The following CCDC175 variants were observed in gnomAD, a reference collection of about 807,000 sequenced individuals.
CCDC175 encodes coiled-coil domain-containing protein 175.
Under a neutral mutation model 114.6 loss-of-function variants are expected in CCDC175, and 100 were observed. That is an observed-to-expected ratio of 0.87 (90% confidence interval 0.74 to 1.03). The LOEUF is 1.03. Among genes scored for constraint, CCDC175 ranks in the 50% least tolerant of loss-of-function variants. CCDC175 has a pLI of 0.00. For synonymous variants in CCDC175, 306 were observed against 308.7 expected (o/e 0.99, Z 0.09); for missense variants, 880 against 917.8 (o/e 0.96, Z 0.53).
At chr14:59,522,412 T>C (rs1381013660) in intron 16 of CCDC175, among the ~76,000 whole-genome samples, 4 of 152,236 alleles carry the variant, frequency 2.6e-5, no homozygotes, top group Non-Finnish European at 5.9e-5. Flanking sequence ...TCTTTGATGT[T>C]GTGTCAGCCT....
rs1181842210 is a variant in CCDC175 at position 59,511,787 on chromosome 14, C to T, written c.2115G>A (p.Leu705=). 5 of 1,535,614 alleles carry T rather than the reference C, an allele frequency of 3.3e-6. No individual in the cohort carries two copies. Among genetic ancestry groups the T allele is most frequent in the Non-Finnish European group, 3.5e-6 (4 of 1,145,526 alleles). ...TAACTGTGGTCTGAAATTCAGCCCACAAATCCTTATATTGTGCTAAAATAA... is the reference window on the plus strand; with the variant it reads ...TAACTGTGGTCTGAAATTCAGCCCATAAATCCTTATATTGTGCTAAAATAA... ...LIAQEAQYKD[L]WAEFQTTVKI... Residue 705 remains leucine, a synonymous_variant, in exon 18 of 20, where the codon TTG becomes TTA. Coordinates refer to ENST00000537690, the MANE Select transcript of CCDC175 (RefSeq NM_001164399.2).
rs1308624999 is a variant in CCDC175 at position 59,576,681 on chromosome 14, G to T, written c.95C>A (p.Thr32Asn). Residue 32 changes from threonine to asparagine, a missense_variant, in exon 1 of 20, where the codon ACC becomes AAC. Thr to Asn is a moderately conservative substitution (Grantham distance 65). Transcript: ENST00000537690. ...VSTGPSLELC[T>N]LPSTLGSSVA... ...CGAGGAGCCCAGGGTGGAGGGTAAGGTGCATAACTCCAGGGAGGGGCCAGT... is the reference window on the plus strand; with the variant it reads ...CGAGGAGCCCAGGGTGGAGGGTAAGTTGCATAACTCCAGGGAGGGGCCAGT... 4.0e-6 allele frequency: 6 copies of T among 1,488,804 alleles called. No homozygotes were observed. The African/African-American group carries it at 8.7e-5, about 21-fold the overall frequency. The allele number at this position is 1,488,804 out of a possible 1,614,324, so 92.2% of individuals were successfully genotyped here. A position where few individuals can be genotyped will look rare whatever the true frequency, so the allele number is the denominator to read the frequency against.
chr14:59,561,252 T>A (rs1896212766), intron 6 of CCDC175, 24 bp from the exon 7 acceptor site: 1 of 1,287,514 alleles, frequency 7.8e-7, no homozygotes, highest in African/African-American at 1.5e-5. Context: ...AACAAAAATA[T>A]GGCATCCAAT....
intron 3 of CCDC175, among the ~76,000 whole-genome samples, chr14:59,570,446 T>A (rs1896783075): frequency 2.6e-5 from 4 of 152,094 alleles, no homozygotes; most frequent in Admixed American, 6.6e-5. Context: ...TTTTTTTTTT[T>A]ACTTATTAAG....
intron 4 of CCDC175, 91 bp downstream of exon 4, chr14:59,568,154 G>A: frequency 7.7e-7 from 1 of 1,295,074 alleles, no homozygotes; most frequent in Non-Finnish European, 1.0e-6. Context: ...CCCTGCCACA[G>A]TTCAGATCAG....
intron 15 of CCDC175, 66 bp downstream of exon 15, chr14:59,527,029 C>T (rs778445381): frequency 1.2e-6 from 1 of 825,368 alleles, no homozygotes. Flanking sequence ...CAGGTAAATA[C>T]TACCATCTGT....
chr14:59,564,639 G>A, intron 5 of CCDC175: 1 of 169,800 alleles, frequency 5.9e-6, no homozygotes, highest in Non-Finnish European at 1.3e-5. Context: ...GCATGCTGCT[G>A]CTCTCTCTGA....
At position 59,527,136 on chromosome 14, in the gene CCDC175, A is replaced by G. The variant is rs1445230083; in HGVS notation, c.1801T>C (p.Phe601Leu). The G allele has an allele frequency of 2.7e-6, 4 of 1,500,480 alleles. No homozygotes were observed. In the African/African-American group the frequency reaches 5.6e-5, roughly 21 times the overall value. 92.9% of individuals were successfully genotyped at this position (1,500,480 alleles called of 1,614,324 possible). The change falls in exon 15 of 20, where the codon TTT (phenylalanine) becomes CTT (leucine). Residue 601 changes from phenylalanine to leucine, a missense_variant. Physicochemically the swap from Phe to Leu is conservative, Grantham distance 22 (BLOSUM62 0). Transcript: ENST00000537690. ...CTTGAAAAGTCCCTTGTAAACAGAAAAATGTGATTGTTCAGTAAATCTTCC... is the reference window on the plus strand; with the variant it reads ...CTTGAAAAGTCCCTTGTAAACAGAAGAATGTGATTGTTCAGTAAATCTTCC... ...QEEDLLNNHI[F>L]LFTRDFSRYI...
In CCDC175 at chr14:59,572,775, A is replaced by G. The variant is rs1344864081; in HGVS notation, c.282T>C (p.Ile94=). Residue 94 remains isoleucine, a synonymous_variant, in exon 3 of 20, where the codon ATT becomes ATC. Transcript: ENST00000537690. ...MRKATIDLLE[I]ESMELNKLYY... ...ATAGTTTGTTGAGTTCCATGCTTTC[A>G]ATCTCCAAAAGATCGATTGTGGCTT... 1.3e-6 allele frequency: 2 copies of G among 1,518,156 alleles called. No homozygotes were observed. Among genetic ancestry groups the G allele is most frequent in the Non-Finnish European group, 1.8e-6 (2 of 1,142,290 alleles). 94.0% of individuals were successfully genotyped at this position (1,518,156 alleles called of 1,614,324 possible).
rs370269871 is a variant in CCDC175, at chr14:59,549,719, C to CAAAA, written c.1035+1632_1035+1635dup. ...TGGGTGATAGAGTGAGACTATGTCT[C>CAAAA]AAAAAAAAAAAGAAAAAGAAAAAGA... On this transcript the variant is annotated intron_variant, in intron 8 of 19. Coordinates refer to ENST00000537690, the MANE Select transcript of CCDC175 (RefSeq NM_001164399.2). 8.4e-4 allele frequency among the ~76,000 whole-genome samples: 75 copies of CAAAA among 89,592 alleles called. 1 individual carries two copies. The highest frequency in any genetic ancestry group is 3.0e-3 in the Admixed American group (23 of 7,756). The allele number at this position is 89,592 out of a possible 152,430, so 58.8% of individuals were successfully genotyped here.
At position 59,538,082 on chromosome 14, in the gene CCDC175, CTTCTT is replaced by C. The variant is rs767101611; in HGVS notation, c.1559_1563del (p.Lys520ArgfsTer7). 14 of 1,532,346 alleles carry C rather than the reference CTTCTT, an allele frequency of 9.1e-6. No homozygotes were observed. The highest frequency in any genetic ancestry group is 2.7e-5 in the African/African-American group (2 of 72,926). The allele number at this position is 1,532,346 out of a possible 1,614,324, so 94.9% of individuals were successfully genotyped here. A position where few individuals can be genotyped will look rare whatever the true frequency, so the allele number is the denominator to read the frequency against. Reference sequence around the variant, plus strand: ...TCTTTGTTAACAAATGCTTTCTCCTCTTCTTTTAATTCTGTTGTAAGTTTTTCAAT... The same window carrying C: ...TCTTTGTTAACAAATGCTTTCTCCTCTTAATTCTGTTGTAAGTTTTTCAAT... On this transcript the variant is annotated frameshift_variant, in exon 13 of 20. Coordinates refer to ENST00000537690, the MANE Select transcript of CCDC175 (RefSeq NM_001164399.2). LOFTEE classifies it high-confidence loss of function.
At position 59,511,628 on chromosome 14, in the gene CCDC175, T is replaced by C. The variant is rs988415023; in HGVS notation, c.2142+132A>G. ...TAGGACTGCAGGGGAGTGAGAGAGCTAGTGTGAATTTCCACCCTGATGCGT... is the reference window on the plus strand; with the variant it reads ...TAGGACTGCAGGGGAGTGAGAGAGCCAGTGTGAATTTCCACCCTGATGCGT... On this transcript the variant is annotated intron_variant, in intron 18 of 19. Coordinates refer to ENST00000537690, the MANE Select transcript of CCDC175 (RefSeq NM_001164399.2). 24 of 525,730 alleles carry C rather than the reference T, an allele frequency of 4.6e-5. 2 individuals carry two copies. The highest frequency in any genetic ancestry group is 7.5e-5 in the Non-Finnish European group (23 of 304,696). 32.6% of individuals were successfully genotyped at this position (525,730 alleles called of 1,614,324 possible). A position where few individuals can be genotyped will look rare whatever the true frequency, so the allele number is the denominator to read the frequency against.
At chr14:59,532,949 GT>G (rs1040130383) in intron 13 of CCDC175, among the ~76,000 whole-genome samples, 1 of 152,186 alleles carries the variant, frequency 6.6e-6, no homozygotes, top group African/African-American at 2.4e-5. Context: ...TTTAGTTTTG[GT>G]TTTCATTTTT....
At chr14:59,514,392 C>A (rs535656642) in intron 17 of CCDC175, among the ~76,000 whole-genome samples, 1 of 152,094 alleles carries the variant, frequency 6.6e-6, no homozygotes, top group East Asian at 1.9e-4. Context: ...AGTTCAAACC[C>A]ATGTCAAAGA....
At chr14:59,522,898 T>C (rs932515343) in intron 16 of CCDC175, among the ~76,000 whole-genome samples, 1 of 152,240 alleles carries the variant, frequency 6.6e-6, no homozygotes, top group African/African-American at 2.4e-5. Flanking sequence ...TCCAAAGGGC[T>C]GCGGCAGTAT....
At position 59,551,910 on chromosome 14, in the gene CCDC175, G is replaced by A. The variant is rs185179480; in HGVS notation, c.954-474C>T. Among the ~76,000 whole-genome samples, 7 of 152,326 alleles carry A rather than the reference G, an allele frequency of 4.6e-5. No individual in the cohort carries two copies. The East Asian group carries it at 5.8e-4, about 13-fold the overall frequency. On this transcript the variant is annotated intron_variant, in intron 7 of 19. Transcript: ENST00000537690. ...TGAGATCCAACTGCAAGGCAGCAGC[G>A]AGGCTGGGGGAGGGGCGCCCGCCAT...
At chr14:59,550,751 C>CT (rs1048300545) in intron 8 of CCDC175, among the ~76,000 whole-genome samples, 1 of 152,096 alleles carries the variant, frequency 6.6e-6, no homozygotes, top group Non-Finnish European at 1.5e-5. Context: ...CTAAGCTGGT[C>CT]TAGTCTTTTC....
At chr14:59,567,410 A>G (rs998569687) in intron 4 of CCDC175, among the ~76,000 whole-genome samples, 1 of 152,198 alleles carries the variant, frequency 6.6e-6, no homozygotes, top group Non-Finnish European at 1.5e-5. Flanking sequence ...TATCTGGGAC[A>G]CCAGGCAACC....
intron 14 of CCDC175, among the ~76,000 whole-genome samples, chr14:59,529,933 C>A (rs1025543983): frequency 3.3e-5 from 5 of 152,172 alleles, no homozygotes; most frequent in African/African-American, 9.7e-5. Context: ...TCTCTTTTAT[C>A]TACTTTCTTC....
Sources: allele counts gnomAD v4.1 joint callset (sites outside exome capture counted in the v4.1 genomes callset), GRCh38; gene constraint gnomAD v4.1.1; transcripts MANE v1.5; gene names NCBI Gene and HGNC (gene_info 2026-07-23, HGNC 2026-07-21).